Variants in PARP1 observed in about 807,000 individuals in gnomAD.
PARP1 encodes the protein poly [ADP-ribose] polymerase 1.
Under a neutral mutation model 118.7 loss-of-function variants are expected in PARP1, and 44 were observed. The ratio of observed to expected loss-of-function variants is 0.37; its 90% confidence interval spans 0.29 to 0.48. PARP1 has a LOEUF of 0.48. Ranked by LOEUF, PARP1 falls within the 20% of genes least tolerant of loss-of-function variation. The probability of loss-of-function intolerance (pLI) is 0.99; values close to 1 mark genes in which losing one functional copy is unlikely to be tolerated. For synonymous variants in PARP1, 492 were observed against 483.2 expected (o/e 1.02, Z -0.24); for missense variants, 1,100 against 1,272.4 (o/e 0.86, Z 2.06).
At chr1:226,363,238 A>G in intron 20 of PARP1, 78 bp from the exon 21 acceptor site, 1 of 945,456 alleles carries the variant, frequency 1.1e-6, no homozygotes. Flanking sequence ...GGAGAATAAG[A>G]TCAGATACAG....
At position 226,402,199 on chromosome 1, in the gene PARP1, C is replaced by T. The variant is rs1665050127; in HGVS notation, c.286+15G>A. 1 of 1,614,166 alleles carries T rather than the reference C, an allele frequency of 6.2e-7. No homozygotes were observed. Among genetic ancestry groups the T allele is most frequent in the Non-Finnish European group, 8.5e-7 (1 of 1,180,034 alleles). ...GTGGGGGCTGAATGCCCATGCTGCC[C>T]CAGTATGTACACACCTGTCACTCCT... On this transcript the variant is annotated intron_variant, in intron 2 of 22. Transcript: ENST00000366794.
At chr1:226,392,026 T>G (rs190653955) in intron 3 of PARP1, among the ~76,000 whole-genome samples, 173 bp downstream of exon 3, 1 of 152,352 alleles carries the variant, frequency 6.6e-6, no homozygotes, top group Admixed American at 6.5e-5. Flanking sequence ...GGACCAGACC[T>G]GTCTGGAAGT....
At chr1:226,398,252 T>C (rs1187585607) in intron 2 of PARP1, among the ~76,000 whole-genome samples, 1 of 152,212 alleles carries the variant, frequency 6.6e-6, no homozygotes, top group Non-Finnish European at 1.5e-5. Flanking sequence ...GACAAAGGGC[T>C]GTTATCCAAA....
intron 15 of PARP1, among the ~76,000 whole-genome samples, chr1:226,369,864 C>A (rs537278817): frequency 3.6e-4 from 54 of 151,524 alleles, no homozygotes; most frequent in African/African-American, 1.3e-3. Flanking sequence ...GTCTGAGGCA[C>A]GAGAACCGCT....
In PARP1 at chr1:226,367,515, C is replaced by A; in HGVS notation, c.2371G>T (p.Asp791Tyr). 1 of 1,614,134 alleles carries A rather than the reference C, an allele frequency of 6.2e-7. No individual in the cohort carries two copies. The highest frequency in any genetic ancestry group is 8.5e-7 in the Non-Finnish European group (1 of 1,180,018). The change falls in exon 17 of 23, where the codon GAT (aspartate) becomes TAT (tyrosine). Residue 791 changes from aspartate (D) to tyrosine (Y), a missense_variant. Coordinates refer to ENST00000366794, the MANE Select transcript of PARP1 (RefSeq NM_001618.4). Reference sequence around the variant, plus strand: ...GTTTTGAGCTTCTCATAGTTGACATCGATGGGATCCTTGCTGCTATCATCA... The same window carrying A: ...GTTTTGAGCTTCTCATAGTTGACATAGATGGGATCCTTGCTGCTATCATCA... ...GSDDSSKDPI[D>Y]VNYEKLKTDI...
rs757383418 is a variant in PARP1 at position 226,361,949 on chromosome 1, G to A, written c.2963+20C>T. ...GAGAACATCCCTTTGTGCTCACACA[G>A]CATACTCAAGAAAGGATACTCGTTA... On this transcript the variant is annotated intron_variant, in intron 22 of 22. Coordinates refer to ENST00000366794, the MANE Select transcript of PARP1 (RefSeq NM_001618.4). 1 of 1,375,210 alleles carries A rather than the reference G, an allele frequency of 7.3e-7. No homozygotes were observed. Among genetic ancestry groups the A allele is most frequent in the South Asian group, 1.2e-5 (1 of 85,954 alleles). 85.2% of individuals were successfully genotyped at this position (1,375,210 alleles called of 1,614,324 possible).
intron 20 of PARP1, 139 bp downstream of exon 20, chr1:226,363,804 A>T (rs112375800): frequency 1.1e-6 from 1 of 894,184 alleles, no homozygotes; most frequent in Non-Finnish European, 1.8e-6. Flanking sequence ...TCTGCTACTT[A>T]TAAGAAAAGA....
intron 7 of PARP1, among the ~76,000 whole-genome samples, chr1:226,384,275 T>A (rs1293339973): frequency 1.3e-5 from 2 of 151,858 alleles, no homozygotes; most frequent in Admixed American, 1.3e-4. Flanking sequence ...GAGAGGGGTA[T>A]GTGAGAAGGA....
Position 226,381,109 on chromosome 1 carries a change from G to A in PARP1, c.1259C>T (p.Thr420Met), listed in dbSNP as rs757100394. Residue 420 changes from threonine to methionine, a missense_variant, in exon 9 of 23, where the codon ACG (threonine) becomes ATG (methionine). Physicochemically the swap from Thr to Met is moderately conservative, Grantham distance 81. Transcript: ENST00000366794. Reference sequence around the variant, plus strand: ...CAGGGAAGCCTTGTTGGCCGTCCCCGTCAACTTCCCCCCGAGTTTCTCAAT... The same window carrying A: ...CAGGGAAGCCTTGTTGGCCGTCCCCATCAACTTCCCCCCGAGTTTCTCAAT... Reference protein sequence around the residue: ...AMIEKLGGKLTGTANKASLCI... With the variant: ...AMIEKLGGKLMGTANKASLCI... 16 of 1,614,158 alleles carry A rather than the reference G, an allele frequency of 9.9e-6. No individual in the cohort carries two copies. Among genetic ancestry groups the A allele is most frequent in the Admixed American group, 3.3e-5 (2 of 60,026 alleles).
intron 8 of PARP1, among the ~76,000 whole-genome samples, chr1:226,381,605 A>G (rs1441188311): frequency 6.6e-6 from 1 of 152,234 alleles, no homozygotes; most frequent in African/African-American, 2.4e-5. Flanking sequence ...ATTCTCCCAA[A>G]CAAACTGCAA....
chr1:226,389,664 G>A (rs1055247545), intron 4 of PARP1, among the ~76,000 whole-genome samples: 1 of 152,186 alleles, frequency 6.6e-6, no homozygotes, highest in Non-Finnish European at 1.5e-5. Flanking sequence ...TGATTTTTCA[G>A]TTTTCTTCCA....
At chr1:226,401,672 A>G (rs536124083) in intron 2 of PARP1, among the ~76,000 whole-genome samples, 39 of 152,130 alleles carry the variant, frequency 2.6e-4, no homozygotes, top group Non-Finnish European at 5.6e-4. Flanking sequence ...GAGATGAGCT[A>G]TTCTTCCTTA....
intron 1 of PARP1, among the ~76,000 whole-genome samples, chr1:226,406,319 C>G (rs1257546776): frequency 6.6e-6 from 1 of 152,182 alleles, no homozygotes; most frequent in African/African-American, 2.4e-5. Flanking sequence ...TTCTACCTAC[C>G]ATCCCACAGA....
chr1:226,367,375 G>A (rs1664291315), intron 17 of PARP1, 105 bp downstream of exon 17: 11 of 1,365,766 alleles, frequency 8.1e-6, no homozygotes, highest in Non-Finnish European at 3.1e-6. Flanking sequence ...CCAGCCACCT[G>A]TGTTTTAACA....
At chr1:226,378,532 C>T (rs534070472) in intron 12 of PARP1, among the ~76,000 whole-genome samples, 2 of 152,136 alleles carry the variant, frequency 1.3e-5, no homozygotes, top group Non-Finnish European at 2.9e-5. Context: ...ATCAGAAAAT[C>T]TTGATTCAAG....
rs1011900208 is a variant in PARP1, at chr1:226,408,036, G to T, written c.-107C>A. 3.9e-6 allele frequency: 6 copies of T among 1,520,928 alleles called. No homozygotes were observed. Among genetic ancestry groups the T allele is most frequent in the Non-Finnish European group, 4.5e-6 (5 of 1,115,100 alleles). The allele number at this position is 1,520,928 out of a possible 1,614,324, so 94.2% of individuals were successfully genotyped here. On this transcript the variant is annotated 5_prime_UTR_variant, in exon 1 of 23. Transcript: ENST00000366794. Reference sequence around the variant, plus strand: ...CTCACCCAGCCGCAGGCGCCTGAGCGGCCAGAGCCGCCACCGAACACGCCG... The same window carrying T: ...CTCACCCAGCCGCAGGCGCCTGAGCTGCCAGAGCCGCCACCGAACACGCCG...
In PARP1 at chr1:226,388,662, G is replaced by C; in HGVS notation, c.711C>G (p.Ala237=). The C allele has an allele frequency of 6.2e-7, 1 of 1,608,170 alleles. No homozygotes were observed. The highest frequency in any genetic ancestry group is 8.5e-7 in the Non-Finnish European group (1 of 1,174,636). The change falls in exon 5 of 23, where the codon GCC becomes GCG. Residue 237 remains alanine (A), a synonymous_variant. Transcript: ENST00000366794. ...EKDKDSKLEK[A]LKAQNDLIWN... ...CACAGAGCTGAGAACTCACCTTTAGGGCTTTTTCAAGCTTACTATCCTTGT... is the reference window on the plus strand; with the variant it reads ...CACAGAGCTGAGAACTCACCTTTAGCGCTTTTTCAAGCTTACTATCCTTGT...
chr1:226,374,204 T>C (rs964607997), intron 14 of PARP1, 22 bp downstream of exon 14: 1 of 1,612,930 alleles, frequency 6.2e-7, no homozygotes, highest in Admixed American at 1.7e-5. Flanking sequence ...TGCTCACAGA[T>C]AAAATGATAA....
At chr1:226,379,811 A>G in intron 10 of PARP1, 111 bp downstream of exon 10, 1 of 1,545,558 alleles carries the variant, frequency 6.5e-7, no homozygotes, top group Non-Finnish European at 8.9e-7. Flanking sequence ...CCTGCTCTGC[A>G]GCACTCAACA....
Sources: allele counts gnomAD v4.1 joint callset (sites outside exome capture counted in the v4.1 genomes callset), GRCh38; gene constraint gnomAD v4.1.1; transcripts MANE v1.5; gene names NCBI Gene and HGNC (gene_info 2026-07-23, HGNC 2026-07-21).